WDR7: variants seen among roughly 807,000 people sequenced by gnomAD.
WDR7 encodes WD repeat-containing protein 7.
Under a neutral mutation model 169.4 loss-of-function variants are expected in WDR7, and 46 were observed. The observed-to-expected ratio is 0.27, with a 90% CI of 0.21 to 0.35. WDR7 has a LOEUF of 0.35. Ranked by LOEUF, WDR7 falls within the 10% of genes least tolerant of loss-of-function variation. The pLI, the probability that WDR7 is intolerant of heterozygous loss-of-function variation, is 1.00. For missense variants in WDR7, 1,534 were observed against 1,859.3 expected (o/e 0.83, Z 3.22); for synonymous variants, 612 against 666.8 (o/e 0.92, Z 1.27).
rs752986841 is a variant in WDR7, at chr18:56,898,793, A to G, written c.3526+18628A>G. Among the ~76,000 whole-genome samples, 118 of 152,198 alleles carry G rather than the reference A, an allele frequency of 7.8e-4. 1 individual carries two copies. Among genetic ancestry groups the G allele is most frequent in the Non-Finnish European group, 1.4e-3 (97 of 67,934 alleles). On this transcript the variant is annotated intron_variant, in intron 21 of 27. Transcript: ENST00000254442. ...GGATCTAGAAGTGGATGTGGGAACCAAAAAGGGCGCTGGTGAAGCTTAAAC... is the reference window on the plus strand; with the variant it reads ...GGATCTAGAAGTGGATGTGGGAACCGAAAAGGGCGCTGGTGAAGCTTAAAC...
intron 12 of WDR7, among the ~76,000 whole-genome samples, chr18:56,717,492 A>G (rs754865845): frequency 1.3e-5 from 2 of 152,196 alleles, no homozygotes; most frequent in Non-Finnish European, 2.9e-5. Flanking sequence ...TGATCGTGGC[A>G]GAGGGACGGT....
intron 1 of WDR7, among the ~76,000 whole-genome samples, chr18:56,656,422 A>G (rs1158878966): frequency 6.6e-6 from 1 of 151,470 alleles, no homozygotes; most frequent in East Asian, 1.9e-4. Flanking sequence ...TGGGACTACA[A>G]GCGCATGCCA....
chr18:56,716,030 AGTGTGTGTGTGTGT>A (rs10572330), intron 12 of WDR7, among the ~76,000 whole-genome samples: 1 of 146,694 alleles, frequency 6.8e-6, no homozygotes, highest in East Asian at 2.0e-4. Context: ...CATACGTAGC[AGTGTGTGTGTGTGT>A]GTGTGTGTGT....
intron 20 of WDR7, among the ~76,000 whole-genome samples, chr18:56,849,890 AC>A (rs564787578): frequency 1.8e-3 from 274 of 152,226 alleles, no homozygotes; most frequent in Middle Eastern, 6.8e-3. Flanking sequence ...TTTTTATCCC[AC>A]CTGAGACTAA....
chr18:57,006,438 ATTGC>A (rs1415345882), intron 26 of WDR7, among the ~76,000 whole-genome samples: 1 of 152,166 alleles, frequency 6.6e-6, no homozygotes, highest in Non-Finnish European at 1.5e-5. Context: ...ACAAATATTA[ATTGC>A]TTATTAAGTA....
At chr18:56,658,767 C>G (rs911661442) in intron 1 of WDR7, among the ~76,000 whole-genome samples, 67 of 152,152 alleles carry the variant, frequency 4.4e-4, no homozygotes, top group Non-Finnish European at 3.2e-4. Flanking sequence ...GACTGGAGTG[C>G]AGTGGCATGA....
At chr18:57,031,078 ATTGTTTTGTT>A (rs200333802), downstream of WDR7, 892 of 152,150 alleles carry the variant, frequency 5.9e-3, 12 homozygotes, top group African/African-American at 0.019. Context: ...TTGGCTACAG[ATTGTTTTGTT>A]TTGTTTTGTT....
chr18:56,879,452 T>C (rs192330463), intron 20 of WDR7, among the ~76,000 whole-genome samples: 2 of 152,366 alleles, frequency 1.3e-5, no homozygotes, highest in East Asian at 3.9e-4. Context: ...GTTCTTATTA[T>C]TGAGTCATGA....
chr18:57,006,925 A>G (rs1255650521), intron 26 of WDR7, among the ~76,000 whole-genome samples: 1 of 152,096 alleles, frequency 6.6e-6, no homozygotes, highest in Non-Finnish European at 1.5e-5. Flanking sequence ...ACAGGCATGT[A>G]CATCCACAAA....
chr18:56,973,190 T>C (rs2047518002), intron 26 of WDR7, among the ~76,000 whole-genome samples: 1 of 152,220 alleles, frequency 6.6e-6, no homozygotes. Context: ...GTACTTCTTA[T>C]ATCTGTGTTA....
chr18:56,895,171 C>T (rs774003675), intron 21 of WDR7, among the ~76,000 whole-genome samples: 9 of 151,884 alleles, frequency 5.9e-5, no homozygotes, highest in Admixed American at 2.6e-4. Flanking sequence ...TATTGAACAG[C>T]TTGTAATTGT....
At chr18:56,996,838 G>A (rs1053120371) in intron 26 of WDR7, among the ~76,000 whole-genome samples, 1 of 152,034 alleles carries the variant, frequency 6.6e-6, no homozygotes, top group Non-Finnish European at 1.5e-5. Context: ...ATTATTTTTA[G>A]CCTGTAACTG....
At chr18:56,876,090 A>G (rs1227515166) in intron 20 of WDR7, among the ~76,000 whole-genome samples, 1 of 152,166 alleles carries the variant, frequency 6.6e-6, no homozygotes, top group East Asian at 1.9e-4. Context: ...GAGGCCTCTC[A>G]TGGTTTGGCA....
At chr18:56,851,848 A>T (rs776351743) in intron 20 of WDR7, among the ~76,000 whole-genome samples, 1 of 152,214 alleles carries the variant, frequency 6.6e-6, no homozygotes, top group East Asian at 1.9e-4. Flanking sequence ...CTTCTTGCTC[A>T]TTGTTAGCAC....
intron 20 of WDR7, among the ~76,000 whole-genome samples, chr18:56,835,818 AT>A (rs1374507044): frequency 3.9e-5 from 6 of 152,210 alleles, no homozygotes; most frequent in African/African-American, 1.4e-4. Context: ...TTAGTTTTAA[AT>A]ATCACTTTAA....
chr18:56,760,829 G>A (rs902183481), intron 16 of WDR7, among the ~76,000 whole-genome samples: 30 of 152,260 alleles, frequency 2.0e-4, no homozygotes, highest in African/African-American at 7.2e-4. Flanking sequence ...AGGATATGGA[G>A]CAATGAGAAC....
chr18:56,952,848 G>C (rs1167137083), intron 25 of WDR7, among the ~76,000 whole-genome samples: 1 of 152,152 alleles, frequency 6.6e-6, no homozygotes, highest in Non-Finnish European at 1.5e-5. Flanking sequence ...AATCTGGAAA[G>C]GCTATCTATT....
intron 20 of WDR7, among the ~76,000 whole-genome samples, chr18:56,851,379 A>C (rs1394374879): frequency 2.6e-5 from 4 of 151,652 alleles, no homozygotes; most frequent in African/African-American, 9.7e-5. Context: ...ATCTCACGAC[A>C]CTCAGCTCTT....
intron 20 of WDR7, among the ~76,000 whole-genome samples, chr18:56,863,647 A>G (rs2045840353): frequency 6.7e-6 from 1 of 149,570 alleles, no homozygotes; most frequent in Admixed American, 6.6e-5. Context: ...GGGCTTTTCT[A>G]GGAAAGTAAT....
Sources: gnomAD v4.1 joint callset for allele counts (sites outside exome capture counted in the v4.1 genomes callset) on GRCh38, gnomAD v4.1.1 for gene constraint, MANE v1.5 for transcripts, NCBI Gene and HGNC (gene_info 2026-07-23, HGNC 2026-07-21) for gene names.